The following TAFA1 variants were observed in gnomAD, a reference collection of about 807,000 sequenced individuals.
TAFA1 encodes chemokine-like protein TAFA-1.
TAFA1 carries 4 observed loss-of-function variants against 18.5 expected under a neutral mutation model. The ratio of observed to expected loss-of-function variants is 0.22; its 90% confidence interval spans 0.11 to 0.49. The LOEUF is 0.49. TAFA1 is among the 20% of genes least tolerant of loss of function. The pLI, the probability that TAFA1 is intolerant of heterozygous loss-of-function variation, is 0.98. For synonymous variants in TAFA1, 56 were observed against 55.2 expected, an observed-to-expected ratio of 1.01 and a Z score of -0.06; for missense variants, 147 against 169.0, an observed-to-expected ratio of 0.87 and a Z score of 0.72.
chr3:68,324,250 ATATAG>A (rs2068740663), intron 2 of TAFA1, among the ~76,000 whole-genome samples: 1 of 27,180 alleles, frequency 3.7e-5, no homozygotes, highest in Non-Finnish European at 9.8e-5. Context: ...TTGTTGATAA[ATATAG>A]CCTTGTTGAT....
chr3:68,245,827 G>C (rs1324160126), intron 2 of TAFA1, among the ~76,000 whole-genome samples: 1 of 152,152 alleles, frequency 6.6e-6, no homozygotes, highest in African/African-American at 2.4e-5. Context: ...TTGTCTTCGT[G>C]TTTTGCGAAA....
intron 2 of TAFA1, among the ~76,000 whole-genome samples, chr3:68,324,990 G>T (rs1377562078): frequency 6.6e-6 from 1 of 152,166 alleles, no homozygotes; most frequent in African/African-American, 2.4e-5. Flanking sequence ...TCTAATGTGG[G>T]TGGGTATTCT....
At chr3:68,165,388 C>A (rs570055644) in intron 2 of TAFA1, among the ~76,000 whole-genome samples, 13 of 152,328 alleles carry the variant, frequency 8.5e-5, no homozygotes, top group African/African-American at 3.1e-4. Flanking sequence ...CTTAGGGTTA[C>A]ACTTTGGTTT....
intron 2 of TAFA1, among the ~76,000 whole-genome samples, chr3:68,394,696 G>C (rs2070338735): frequency 6.6e-6 from 1 of 152,068 alleles, no homozygotes; most frequent in Non-Finnish European, 1.5e-5. Flanking sequence ...CAAGCAATGG[G>C]GAAAGGATTC....
intron 3 of TAFA1, among the ~76,000 whole-genome samples, chr3:68,490,840 C>CTTTT (rs3037411): frequency 6.8e-6 from 1 of 147,410 alleles, no homozygotes; most frequent in Admixed American, 6.8e-5. Flanking sequence ...TCTTTTTTTT[C>CTTTT]TTTTTTTTTT....
At chr3:68,193,967 T>C (rs1315154919) in intron 2 of TAFA1, among the ~76,000 whole-genome samples, 1 of 151,792 alleles carries the variant, frequency 6.6e-6, no homozygotes, top group Non-Finnish European at 1.5e-5. Context: ...TAGGCCTAGA[T>C]ATATTTATGC....
chr3:68,338,869 C>A (rs1016666628), intron 2 of TAFA1, among the ~76,000 whole-genome samples: 1 of 152,180 alleles, frequency 6.6e-6, no homozygotes, highest in East Asian at 1.9e-4. Flanking sequence ...GGAGCTTGAT[C>A]TAAGCAAGGC....
At chr3:68,042,503 GCTTGGT>G (rs1232309544) in intron 2 of TAFA1, among the ~76,000 whole-genome samples, 4 of 152,134 alleles carry the variant, frequency 2.6e-5, no homozygotes, top group African/African-American at 9.7e-5. Context: ...AAAAAAATTA[GCTTGGT>G]GTGGTGGCAC....
At chr3:68,398,916 A>C (rs1214473521) in intron 2 of TAFA1, among the ~76,000 whole-genome samples, 1 of 152,194 alleles carries the variant, frequency 6.6e-6, no homozygotes. Flanking sequence ...TAAAAATTGC[A>C]TTCTTTTAAA....
chr3:68,206,006 A>G (rs2066522291), intron 2 of TAFA1, among the ~76,000 whole-genome samples: 1 of 151,838 alleles, frequency 6.6e-6, no homozygotes, highest in Non-Finnish European at 1.5e-5. Flanking sequence ...ATAACCTAAA[A>G]TTCCTTTATC....
At chr3:68,467,777 G>T (rs576757169) in intron 3 of TAFA1, among the ~76,000 whole-genome samples, 1 of 152,280 alleles carries the variant, frequency 6.6e-6, no homozygotes, top group Admixed American at 6.5e-5. Flanking sequence ...TTCAAGGGCA[G>T]GGGGTTCTGG....
At chr3:68,198,744 G>A (rs973513293) in intron 2 of TAFA1, among the ~76,000 whole-genome samples, 4 of 151,398 alleles carry the variant, frequency 2.6e-5, no homozygotes, top group Admixed American at 1.3e-4. Context: ...TGTTTAAAGA[G>A]TTTGTTTTAC....
intron 3 of TAFA1, among the ~76,000 whole-genome samples, chr3:68,449,224 C>T (rs901850432): frequency 2.6e-5 from 4 of 152,144 alleles, no homozygotes; most frequent in Admixed American, 2.6e-4. Context: ...AGGAATTAGG[C>T]AAAGAAAGAA....
intron 2 of TAFA1, among the ~76,000 whole-genome samples, chr3:68,406,716 G>A (rs2070618198): frequency 1.3e-5 from 2 of 152,172 alleles, no homozygotes; most frequent in African/African-American, 2.4e-5. Flanking sequence ...AAAATTTGAA[G>A]GCAGATCTAA....
intron 3 of TAFA1, among the ~76,000 whole-genome samples, chr3:68,459,716 C>T (rs1447451902): frequency 6.6e-6 from 1 of 152,158 alleles, no homozygotes; most frequent in African/African-American, 2.4e-5. Flanking sequence ...CACCTTTTCC[C>T]TAATTCCCTA....
intron 2 of TAFA1, among the ~76,000 whole-genome samples, chr3:68,022,544 C>T (rs1477152157): frequency 6.6e-6 from 1 of 151,614 alleles, no homozygotes; most frequent in African/African-American, 2.4e-5. Context: ...TCAAATATCA[C>T]CTGAAGAAGT....
At chr3:68,330,433 G>T (rs1028641233) in intron 2 of TAFA1, among the ~76,000 whole-genome samples, 5 of 152,110 alleles carry the variant, frequency 3.3e-5, no homozygotes, top group African/African-American at 1.2e-4. Context: ...TCACACAGGG[G>T]GATCTGGAGA....
intron 3 of TAFA1, among the ~76,000 whole-genome samples, chr3:68,440,956 C>T (rs2071365837): frequency 6.6e-6 from 1 of 152,110 alleles, no homozygotes; most frequent in South Asian, 2.1e-4. Flanking sequence ...GGCAGTGTTC[C>T]TCCCTCTGGA....
chr3:68,098,101 G>A (rs1384391965), intron 2 of TAFA1, among the ~76,000 whole-genome samples: 2 of 152,162 alleles, frequency 1.3e-5, no homozygotes, highest in East Asian at 1.9e-4. Flanking sequence ...AGAACCTGTT[G>A]TGGTCTCACT....
Sources: gnomAD v4.1 joint callset for allele counts (sites outside exome capture counted in the v4.1 genomes callset) on GRCh38, gnomAD v4.1.1 for gene constraint, MANE v1.5 for transcripts, NCBI Gene and HGNC (gene_info 2026-07-23, HGNC 2026-07-21) for gene names.